Variants in DISC1 observed in about 807,000 individuals in gnomAD.
DISC1 encodes disrupted in schizophrenia 1 protein.
A neutral mutation model predicts 84.5 loss-of-function variants in DISC1; 57 were observed. That is an observed-to-expected ratio of 0.67 (90% CI 0.55 to 0.84). The LOEUF (loss-of-function observed/expected upper bound fraction) is 0.84, where lower values mean the gene tolerates loss of function less well. Among genes scored for constraint, DISC1 ranks in the 40% least tolerant of loss-of-function variants. The pLI is 0.00. For synonymous variants in DISC1, 411 were observed against 415.2 expected (o/e 0.99, Z 0.12); for missense variants, 1,000 against 1,057.8 (o/e 0.95, Z 0.76).
intron 9 of DISC1, among the ~76,000 whole-genome samples, chr1:231,822,415 G>T (rs1558610558): frequency 6.6e-6 from 1 of 152,134 alleles, no homozygotes; most frequent in East Asian, 1.9e-4. Flanking sequence ...ACTGTGCCCA[G>T]CCTAAACTCA....
At chr1:231,817,076 C>A (rs1436158123) in intron 8 of DISC1, among the ~76,000 whole-genome samples, 1 of 152,024 alleles carries the variant, frequency 6.6e-6, no homozygotes, top group Non-Finnish European at 1.5e-5. Flanking sequence ...AACTCATGGG[C>A]TCATTCTTCT....
intron 10 of DISC1, among the ~76,000 whole-genome samples, chr1:231,967,937 T>A (rs1454326768): frequency 6.6e-6 from 1 of 152,164 alleles, no homozygotes; most frequent in East Asian, 1.9e-4. Context: ...GGAAAAACAT[T>A]AGTAACACTT....
chr1:231,970,726 G>T lies in DISC1; in HGVS notation c.2042+11838G>T, dbSNP rs185317918. On this transcript the variant is annotated intron_variant, in intron 10 of 12. Transcript: ENST00000439617. ...TTAAAAGAAAAGGGTTCATTAAACA[G>T]GTTCCACTGTGGTTTGCGCAATTCA... 7.5e-4 allele frequency among the ~76,000 whole-genome samples: 114 copies of T among 152,340 alleles called. 1 individual carries two copies. The highest frequency in any genetic ancestry group is 3.1e-3 in the South Asian group (15 of 4,824).
At chr1:231,861,001 T>C (rs1256268991) in intron 9 of DISC1, among the ~76,000 whole-genome samples, 2 of 152,260 alleles carry the variant, frequency 1.3e-5, no homozygotes, top group African/African-American at 4.8e-5. Context: ...GCAAGGGCAC[T>C]TTTGCCTTCA....
intron 9 of DISC1, among the ~76,000 whole-genome samples, chr1:231,929,482 C>T (rs1402344025): frequency 1.3e-5 from 2 of 152,206 alleles, no homozygotes; most frequent in South Asian, 2.1e-4. Context: ...ATTAGTCTGC[C>T]GCTGTGCTGT....
At chr1:231,820,334 G>T (rs1032416339) in intron 9 of DISC1, among the ~76,000 whole-genome samples, 6 of 152,198 alleles carry the variant, frequency 3.9e-5, no homozygotes, top group Non-Finnish European at 5.9e-5. Context: ...CTTTTTTTGT[G>T]TTTTGAGGGT....
chr1:231,750,735 C>A (rs990608140), intron 4 of DISC1: 9 of 255,870 alleles, frequency 3.5e-5, no homozygotes, highest in African/African-American at 1.6e-4. Context: ...AGGCTGAGAA[C>A]CACTGCTCCA....
In DISC1 at chr1:231,795,264, C is replaced by T. The variant is rs1483308206; in HGVS notation, c.1657C>T (p.Leu553Phe). 6.2e-7 allele frequency: 1 copy of T among 1,613,600 alleles called. No homozygotes were observed. The highest frequency in any genetic ancestry group is 8.5e-7 in the Non-Finnish European group (1 of 1,179,716). The change falls in exon 7 of 13, where the codon CTC becomes TTC. Residue 553 changes from leucine (L) to phenylalanine (F), a missense_variant. Physicochemically the swap from Leu to Phe is conservative, Grantham distance 22. Around this residue, in one of 3 missense-constraint regions of DISC1, gnomAD observed 397 missense variants for 377.5 expected, o/e 1.05. Transcript: ENST00000439617. ...CAGCCTCCAGGAAAGAATAAAATCCCTCAACTTGTCACTTAAAGAAATCAC... is the reference window on the plus strand; with the variant it reads ...CAGCCTCCAGGAAAGAATAAAATCCTTCAACTTGTCACTTAAAGAAATCAC... ...IRSLQERIKS[L>F]NLSLKEITTK...
At chr1:231,867,704 T>C (rs772273373) in intron 9 of DISC1, among the ~76,000 whole-genome samples, 79 of 152,380 alleles carry the variant, frequency 5.2e-4, no homozygotes, top group Admixed American at 2.7e-3. Context: ...CTCCTGTTGT[T>C]GATAGATCTT....
intron 9 of DISC1, among the ~76,000 whole-genome samples, chr1:231,936,822 A>G (rs2126120713): frequency 6.6e-6 from 1 of 152,286 alleles, no homozygotes; most frequent in South Asian, 2.1e-4. Flanking sequence ...TATTTTCACA[A>G]TCCTTTGAAA....
At chr1:231,872,336 A>C (rs952208679) in intron 9 of DISC1, among the ~76,000 whole-genome samples, 15 of 151,946 alleles carry the variant, frequency 9.9e-5, no homozygotes, top group African/African-American at 2.4e-5. Flanking sequence ...ATTTCTCTCC[A>C]TTTGCTTGAA....
intron 9 of DISC1, among the ~76,000 whole-genome samples, chr1:231,892,825 T>C (rs1194252728): frequency 6.6e-6 from 1 of 151,938 alleles, no homozygotes; most frequent in Non-Finnish European, 1.5e-5. Flanking sequence ...GAGTAGGGAG[T>C]ATCTCATGCA....
intron 9 of DISC1, among the ~76,000 whole-genome samples, chr1:231,891,475 C>T (rs374188123): frequency 3.3e-5 from 5 of 152,256 alleles, no homozygotes; most frequent in South Asian, 2.1e-4. Flanking sequence ...AGGAGACAGA[C>T]GGAGCAGGGA....
chr1:231,997,587 C>T (rs200661686), intron 10 of DISC1, among the ~76,000 whole-genome samples: 1 of 152,008 alleles, frequency 6.6e-6, no homozygotes, highest in African/African-American at 2.4e-5. Context: ...CAGTGAGGCT[C>T]GGGGTTTTGA....
intron 9 of DISC1, among the ~76,000 whole-genome samples, chr1:231,902,439 A>G (rs971710631): frequency 6.6e-5 from 10 of 152,072 alleles, no homozygotes; most frequent in African/African-American, 2.4e-4. Context: ...CATCTCTACT[A>G]AAAATACAAA....
intron 9 of DISC1, among the ~76,000 whole-genome samples, chr1:231,837,683 T>C (rs1175383486): frequency 2.0e-5 from 3 of 152,124 alleles, no homozygotes; most frequent in African/African-American, 7.2e-5. Context: ...CTTGAAGAAA[T>C]GATGGGGCGA....
At chr1:231,811,202 G>A (rs2080258578) in intron 8 of DISC1, among the ~76,000 whole-genome samples, 1 of 152,224 alleles carries the variant, frequency 6.6e-6, no homozygotes, top group Non-Finnish European at 1.5e-5. Context: ...GGAAGTCATG[G>A]TGACTGGAAG....
At chr1:231,728,995 C>T (rs574498388) in intron 3 of DISC1, among the ~76,000 whole-genome samples, 1 of 152,236 alleles carries the variant, frequency 6.6e-6, no homozygotes, top group East Asian at 1.9e-4. Context: ...CCTCCCCCTC[C>T]CCCAACCCCA....
chr1:231,919,779 A>G (rs968895204), intron 9 of DISC1, among the ~76,000 whole-genome samples: 4 of 152,224 alleles, frequency 2.6e-5, no homozygotes, highest in African/African-American at 9.6e-5. Flanking sequence ...TATGCACAGA[A>G]TTTTGTGTAT....
Sources: allele counts gnomAD v4.1 joint callset (sites outside exome capture counted in the v4.1 genomes callset), GRCh38; gene constraint gnomAD v4.1.1; regional missense constraint gnomAD v4.1.1; transcripts MANE v1.5; gene names NCBI Gene and HGNC (gene_info 2026-07-23, HGNC 2026-07-21).